Variants in CELF6 observed in about 807,000 individuals in gnomAD.
CELF6 encodes CUGBP Elav-like family member 6.
CELF6 carries 32 observed loss-of-function variants against 53.1 expected under a neutral mutation model. That is an observed-to-expected ratio of 0.60 (90% CI 0.46 to 0.81). The LOEUF (loss-of-function observed/expected upper bound fraction) is 0.81, where lower values mean the gene tolerates loss of function less well. CELF6 is among the 30% of genes least tolerant of loss of function. The pLI is 0.00. For missense variants in CELF6, 539 were observed against 669.5 expected (o/e 0.81, Z 2.15); for synonymous variants, 291 against 288.8 (o/e 1.01, Z -0.08).
At chr15:72,291,469 T>A (rs999071554) in intron 3 of CELF6, among the ~76,000 whole-genome samples, 1 of 151,946 alleles carries the variant, frequency 6.6e-6, no homozygotes, top group African/African-American at 2.4e-5. Context: ...GACCTTGGAG[T>A]GCAGGAAAAC....
Position 72,288,440 on chromosome 15 carries a change from A to G in CELF6, c.1186T>C (p.Cys396Arg). The G allele has an allele frequency of 6.2e-7, 1 of 1,614,212 alleles. No homozygotes were observed. The highest frequency in any genetic ancestry group is 8.5e-7 in the Non-Finnish European group (1 of 1,180,038). Residue 396 changes from cysteine (C) to arginine (R), a missense_variant, in exon 11 of 13, where the codon TGT (cysteine) becomes CGT (arginine). Coordinates refer to ENST00000287202, the MANE Select transcript of CELF6 (RefSeq NM_052840.5). The surrounding 1 kb of genome is among the most constrained non-coding windows in gnomAD (Gnocchi z 4.6). ...GGCAGGTGATAGATGAAGAGGTTAC[A>G]GCCTTCGGGGCCTGGAGGAACAGTA... The part of the protein sequence containing the change: ...PQQQREGPEG[C>R]NLFIYHLPQE...
At chr15:72,318,647 G>A (rs182703759) in intron 1 of CELF6, among the ~76,000 whole-genome samples, 20 of 152,204 alleles carry the variant, frequency 1.3e-4, no homozygotes, top group Admixed American at 9.8e-4. Context: ...GGGTGTGGCC[G>A]AACAGGACCG....
At chr15:72,312,134 T>G (rs1236865414) in intron 2 of CELF6, among the ~76,000 whole-genome samples, 1 of 152,318 alleles carries the variant, frequency 6.6e-6, no homozygotes, top group Non-Finnish European at 1.5e-5. Context: ...AGGTGGATTC[T>G]GGAGCATAAA....
rs769547615 is a variant in CELF6 at position 72,304,788 on chromosome 15, G to A, written c.352C>T (p.Arg118Cys). The change falls in exon 3 of 13, where the codon CGT becomes TGT. Residue 118 changes from arginine to cysteine, a missense_variant. Coordinates refer to ENST00000287202, the MANE Select transcript of CELF6 (RefSeq NM_052840.5). Reference sequence around the variant, plus strand: ...GCAGCTGGCTTCACTTGGATCGGACGATTCATCTGAAAGACATCGGACCAA... The same window carrying A: ...GCAGCTGGCTTCACTTGGATCGGACAATTCATCTGAAAGACATCGGACCAA... Reference protein sequence around the residue: ...HEQKTLPGMNRPIQVKPAASE... With the variant: ...HEQKTLPGMNCPIQVKPAASE... 1.2e-6 allele frequency: 2 copies of A among 1,614,128 alleles called. No individual in the cohort carries two copies. Among genetic ancestry groups the A allele is most frequent in the Non-Finnish European group, 1.7e-6 (2 of 1,180,004 alleles).
chr15:72,292,047 A>G, intron 3 of CELF6: 1 of 603,590 alleles, frequency 1.7e-6, no homozygotes. Context: ...ACATTGTTCT[A>G]ACATAAATAT....
intron 3 of CELF6, 57 bp downstream of exon 3, chr15:72,304,689 G>A: frequency 1.3e-6 from 2 of 1,514,648 alleles, no homozygotes; most frequent in South Asian, 2.2e-5. Context: ...CTCCAGGTGT[G>A]GGCCCACCCT....
intron 3 of CELF6, among the ~76,000 whole-genome samples, chr15:72,290,651 A>G (rs1172876667): frequency 6.6e-6 from 1 of 152,318 alleles, no homozygotes; most frequent in African/African-American, 2.4e-5. Flanking sequence ...GCGGGTGCTC[A>G]GAGAAAGCCT....
intron 3 of CELF6, among the ~76,000 whole-genome samples, chr15:72,301,881 C>T (rs1037811066): frequency 2.6e-5 from 4 of 151,942 alleles, no homozygotes; most frequent in African/African-American, 9.7e-5. Flanking sequence ...GGACTACATG[C>T]GCCCGCCACC....
intron 2 of CELF6, among the ~76,000 whole-genome samples, chr15:72,309,599 C>G (rs1041911512): frequency 3.0e-4 from 45 of 152,248 alleles, no homozygotes; most frequent in African/African-American, 1.0e-3. Flanking sequence ...TCAGTCCCCA[C>G]AGAGCAGTGG....
At chr15:72,287,423 G>C (rs780658521) in intron 11 of CELF6, 31 bp from the exon 12 acceptor site, 4 of 1,612,516 alleles carry the variant, frequency 2.5e-6, no homozygotes, top group Non-Finnish European at 3.4e-6. Context: ...GATTAGCTGG[G>C]GACTCTGCCT....
intron 2 of CELF6, among the ~76,000 whole-genome samples, chr15:72,312,433 C>T (rs1046223675): frequency 6.6e-6 from 1 of 152,240 alleles, no homozygotes; most frequent in Middle Eastern, 3.4e-3. Flanking sequence ...TCAAAACCAG[C>T]CTGACCAACA....
chr15:72,287,436 C>T (rs1202979925), intron 11 of CELF6, 44 bp from the exon 12 acceptor site: 2 of 1,609,458 alleles, frequency 1.2e-6, no homozygotes, highest in Non-Finnish European at 8.5e-7. Flanking sequence ...CTCTGCCTAG[C>T]AGGGCCTCCT....
In CELF6 at chr15:72,289,316, GC is replaced by G; in HGVS notation, c.881-30del. 1 of 1,542,230 alleles carries G rather than the reference GC, an allele frequency of 6.5e-7. No homozygotes were observed. Among genetic ancestry groups the G allele is most frequent in the South Asian group, 1.2e-5 (1 of 84,586 alleles). ...ATGGCGGAAAAGGTCTGAGAGTCAG[GC>G]CGCCACCCCGCCCCGCCCGGCCCCT... On this transcript the variant is annotated intron_variant, in intron 7 of 12. Coordinates refer to ENST00000287202, the MANE Select transcript of CELF6 (RefSeq NM_052840.5). The surrounding 1 kb of genome is among the most constrained non-coding windows in gnomAD (Gnocchi z 7.6).
chr15:72,316,096 C>CT (rs2088360558), intron 1 of CELF6, among the ~76,000 whole-genome samples, 169 bp from the exon 2 acceptor site: 1 of 152,202 alleles, frequency 6.6e-6, no homozygotes. Flanking sequence ...CTTCATGTGC[C>CT]TGGGGACCAG....
chr15:72,300,848 A>G (rs974573625), intron 3 of CELF6, among the ~76,000 whole-genome samples: 2 of 152,154 alleles, frequency 1.3e-5, no homozygotes, highest in African/African-American at 4.8e-5. Flanking sequence ...AGAAAAAAAA[A>G]AAAACTCATG....
Position 72,285,565 on chromosome 15 carries a change from G to A in CELF6, c.*806C>T, listed in dbSNP as rs1282889760. The A allele has an allele frequency of 6.6e-6, 1 of 152,274 alleles. No homozygotes were observed. Among genetic ancestry groups the A allele is most frequent in the Non-Finnish European group, 1.5e-5 (1 of 68,086 alleles). The allele number at this position is 152,274 out of a possible 1,614,324, so 9.4% of individuals were successfully genotyped here. A position where few individuals can be genotyped will look rare whatever the true frequency, so the allele number is the denominator to read the frequency against. On this transcript the variant is annotated 3_prime_UTR_variant, in exon 13 of 13. Transcript: ENST00000287202. Reference sequence around the variant, plus strand: ...AGAACTCCCTCTTTCTTCCCGCCTGGGGAAGCAGTGGTTCCACAGGAAAGG... The same window carrying A: ...AGAACTCCCTCTTTCTTCCCGCCTGAGGAAGCAGTGGTTCCACAGGAAAGG...
chr15:72,288,205 A>G lies in CELF6; in HGVS notation c.1318+103T>C. The G allele has an allele frequency of 7.9e-7, 1 of 1,264,788 alleles. No homozygotes were observed. Among genetic ancestry groups the G allele is most frequent in the East Asian group, 2.3e-5 (1 of 43,126 alleles). 78.3% of individuals were successfully genotyped at this position (1,264,788 alleles called of 1,614,324 possible). On this transcript the variant is annotated intron_variant, in intron 11 of 12. Coordinates refer to ENST00000287202, the MANE Select transcript of CELF6 (RefSeq NM_052840.5). The surrounding 1 kb of genome is among the most constrained non-coding windows in gnomAD (Gnocchi z 4.6). Reference sequence around the variant, plus strand: ...TGACCCTGTTTTGTGCCATACATTCAATCTCAGGAAATCACTGCATTATGG... The same window carrying G: ...TGACCCTGTTTTGTGCCATACATTCGATCTCAGGAAATCACTGCATTATGG...
chr15:72,312,751 G>A (rs1012528642), intron 2 of CELF6, among the ~76,000 whole-genome samples: 2 of 152,218 alleles, frequency 1.3e-5, no homozygotes, highest in Non-Finnish European at 2.9e-5. Flanking sequence ...ATGCCAGCAG[G>A]AATTCAGATT....
At position 72,289,401 on chromosome 15, in the gene CELF6, AC is replaced by A; in HGVS notation, c.853del (p.Val285Ter). On this transcript the variant is annotated frameshift_variant, in exon 7 of 13. Transcript: ENST00000287202. LOFTEE classifies it high-confidence loss of function. The surrounding 1 kb of genome is among the most constrained non-coding windows in gnomAD (Gnocchi z 7.6). ...QMQHVAAFSL[V>X]AAPLLPAAAA... ...TGCCGCGGGCAACAGAGGCGCAGCT[AC>A]CAGGCTAAAGGCCGCCACGTGTTGC... 1 of 1,555,522 alleles carries A rather than the reference AC, an allele frequency of 6.4e-7. No individual in the cohort carries two copies. Among genetic ancestry groups the A allele is most frequent in the Non-Finnish European group, 8.6e-7 (1 of 1,159,086 alleles).
Sources: allele counts gnomAD v4.1 joint callset (sites outside exome capture counted in the v4.1 genomes callset), GRCh38; gene constraint gnomAD v4.1.1; non-coding constraint Gnocchi (gnomAD v3.1); transcripts MANE v1.5; gene names NCBI Gene and HGNC (gene_info 2026-07-23, HGNC 2026-07-21).